MYOM1: variants seen among roughly 807,000 people sequenced by gnomAD.
MYOM1 encodes myomesin 1, also known as myomesin-1.
Under a neutral mutation model 205.3 loss-of-function variants are expected in MYOM1, and 164 were observed. That is an observed-to-expected ratio of 0.80 (90% CI 0.70 to 0.91). The LOEUF is 0.91. Ranked by LOEUF, MYOM1 falls within the 40% of genes least tolerant of loss-of-function variation. MYOM1 has a pLI of 0.00. For synonymous variants in MYOM1, 772 were observed against 789.4 expected (o/e 0.98, Z 0.37); for missense variants, 2,011 against 2,127.3 (o/e 0.95, Z 1.08).
chr18:3,159,832 A>T (rs1465026452), intron 10 of MYOM1, among the ~76,000 whole-genome samples: 1 of 152,174 alleles, frequency 6.6e-6, no homozygotes, highest in Non-Finnish European at 1.5e-5. Context: ...AGAGGGAAAT[A>T]GGGAGGAGAA....
intron 34 of MYOM1, among the ~76,000 whole-genome samples, chr18:3,077,085 T>G (rs2079028353): frequency 6.6e-6 from 1 of 151,940 alleles, no homozygotes; most frequent in African/African-American, 2.4e-5. Context: ...CAATCATAGC[T>G]TGAGGTAGCC....
chr18:3,072,938 T>TTA, intron 36 of MYOM1, among the ~76,000 whole-genome samples: 1 of 151,208 alleles, frequency 6.6e-6, no homozygotes, highest in Non-Finnish European at 1.5e-5. Context: ...AAGGGCTACA[T>TTA]GCTAGGGAGA....
At chr18:3,105,798 T>G (rs1404480294) in intron 22 of MYOM1, among the ~76,000 whole-genome samples, 1 of 152,110 alleles carries the variant, frequency 6.6e-6, no homozygotes, top group Non-Finnish European at 1.5e-5. Context: ...GAGGTTGCAG[T>G]GAGCTGAGAT....
At position 3,102,620 on chromosome 18, in the gene MYOM1, C is replaced by T. The variant is rs770007093; in HGVS notation, c.3429G>A (p.Glu1143=). ...CATCATCATCCACATTTACAACAAC[C>T]TCTTTGGTTCCTACAAGATCAAAAA... is the stretch of plus-strand genomic sequence containing the variant. The part of the protein sequence containing the change: ...VVAETRPGTK[E]VVVNVDDDGV... Residue 1143 remains glutamate, a synonymous_variant, in exon 23 of 38, where the codon GAG becomes GAA. Transcript: ENST00000356443. 31 of 1,612,888 alleles carry T rather than the reference C, an allele frequency of 1.9e-5. No homozygotes were observed. In the East Asian group the frequency reaches 6.2e-4, roughly 32 times the overall value.
chr18:3,213,371 C>T (rs945686370), intron 2 of MYOM1, among the ~76,000 whole-genome samples: 3 of 152,176 alleles, frequency 2.0e-5, no homozygotes, highest in East Asian at 3.9e-4. Flanking sequence ...AGGTGGTTAT[C>T]GACCACATAG....
the MYOM1 span, chr18:3,245,885 C>G: frequency 6.6e-6 from 1 of 152,210 alleles, no homozygotes; most frequent in Non-Finnish European, 1.5e-5. Context: ...ATTATTATAT[C>G]TGTTCCACCC....
chr18:3,199,122 C>G (rs1023620703), intron 2 of MYOM1, among the ~76,000 whole-genome samples: 5 of 152,144 alleles, frequency 3.3e-5, no homozygotes, highest in Non-Finnish European at 7.3e-5. Context: ...CATCCCTTAC[C>G]CCCAGCTTAG....
At chr18:3,222,138 A>G (rs1306424435), upstream of MYOM1, among the ~76,000 whole-genome samples, 2 of 152,236 alleles carry the variant, frequency 1.3e-5, no homozygotes, top group Non-Finnish European at 2.9e-5. Context: ...GGATAATCAC[A>G]TATCTGTAAG....
At chr18:3,117,322 AT>A (rs1567914453) in intron 20 of MYOM1, among the ~76,000 whole-genome samples, 5 of 152,264 alleles carry the variant, frequency 3.3e-5, no homozygotes, top group Admixed American at 2.6e-4. Context: ...CGTAAAGAGT[AT>A]GCGCAGCCCA....
chr18:3,204,036 A>C (rs184052365), intron 2 of MYOM1, among the ~76,000 whole-genome samples: 20 of 152,116 alleles, frequency 1.3e-4, no homozygotes, highest in African/African-American at 2.6e-4. Flanking sequence ...ATGCAGAAAA[A>C]GCATTTGACA....
intron 20 of MYOM1, among the ~76,000 whole-genome samples, chr18:3,117,737 G>A (rs1398337582): frequency 6.6e-6 from 1 of 151,922 alleles, no homozygotes; most frequent in Admixed American, 6.6e-5. Flanking sequence ...TAGCCTGAAA[G>A]CCAACTTGTA....
Position 3,187,577 on chromosome 18 carries a change from C to T in MYOM1, c.832G>A (p.Glu278Lys), listed in dbSNP as rs1157576490. The T allele has an allele frequency of 6.2e-7, 1 of 1,613,754 alleles. No homozygotes were observed. Among genetic ancestry groups the T allele is most frequent in the Admixed American group, 1.7e-5 (1 of 60,020 alleles). ...LNEDHLLHAPEFIIKPRSHTV... is the reference protein window; with the variant it reads ...LNEDHLLHAPKFIIKPRSHTV... ...TGGGAGCGAGGTTTAATGATAAACT[C>T]AGGAGCATGGAGAAGATGGTCTTCA... Residue 278 changes from glutamate (E) to lysine (K), a missense_variant, in exon 5 of 38, where the codon GAG becomes AAG. By Grantham distance (56) the Glu-to-Lys change is moderately conservative. Transcript: ENST00000356443.
At chr18:3,246,896 C>T in the MYOM1 span, 1 of 152,120 alleles carries the variant, frequency 6.6e-6, no homozygotes, top group Admixed American at 6.5e-5. Context: ...AAGATAAAGT[C>T]GGGGAGGACT....
intron 10 of MYOM1, among the ~76,000 whole-genome samples, chr18:3,158,883 G>A (rs2080341245): frequency 6.6e-6 from 1 of 151,978 alleles, no homozygotes; most frequent in African/African-American, 2.4e-5. Context: ...CAAAGTGCTG[G>A]GATTACCGGC....
In MYOM1 at chr18:3,167,060, T is replaced by G. The variant is rs543104167; in HGVS notation, c.1339+1757A>C. On this transcript the variant is annotated intron_variant, in intron 9 of 37. Transcript: ENST00000356443. The stretch of plus-strand genomic sequence containing the variant: ...TACGGGCAAATTCAATTTCTTAAAT[T>G]TCAATGCTTTTTTCAATACCTAGGC... 2.0e-5 allele frequency among the ~76,000 whole-genome samples: 3 copies of G among 152,280 alleles called. No individual in the cohort carries two copies. The East Asian group carries it at 5.8e-4, about 29-fold the overall frequency.
chr18:3,148,924 G>C (rs2080177027), intron 13 of MYOM1, among the ~76,000 whole-genome samples: 1 of 140,916 alleles, frequency 7.1e-6, no homozygotes, highest in Admixed American at 7.2e-5. Context: ...TTATCAAATT[G>C]TACATGTTAC....
At chr18:3,086,861 G>T (rs184336211) in intron 29 of MYOM1, among the ~76,000 whole-genome samples, 2 of 152,084 alleles carry the variant, frequency 1.3e-5, no homozygotes, top group African/African-American at 4.8e-5. Flanking sequence ...CAAGAAAACC[G>T]TCTCAAAGAC....
At chr18:3,187,457 T>G (rs367644588) in intron 5 of MYOM1, 23 bp downstream of exon 5, 1 of 1,607,518 alleles carries the variant, frequency 6.2e-7, no homozygotes. Flanking sequence ...TGAATTCTGT[T>G]AGCTTTCATA....
chr18:3,238,553 A>G, the MYOM1 span, among the ~76,000 whole-genome samples: 1 of 152,190 alleles, frequency 6.6e-6, no homozygotes, highest in African/African-American at 2.4e-5. Flanking sequence ...ATAAGGGAGC[A>G]AGAAAATAGG....
Sources: gnomAD v4.1 joint callset for allele counts (sites outside exome capture counted in the v4.1 genomes callset) on GRCh38, gnomAD v4.1.1 for gene constraint, MANE v1.5 for transcripts, NCBI Gene and HGNC (gene_info 2026-07-23, HGNC 2026-07-21) for gene names.